Variants in CDH12 observed in about 807,000 individuals in gnomAD.
CDH12 encodes cadherin-12.
A neutral mutation model predicts 74.1 loss-of-function variants in CDH12; 41 were observed. The observed-to-expected ratio is 0.55, with a 90% CI of 0.43 to 0.72. CDH12 has a LOEUF of 0.72. CDH12 is among the 30% of genes least tolerant of loss of function. CDH12 has a pLI of 0.00. For synonymous variants in CDH12, 399 were observed against 355.0 expected (o/e 1.12, Z -1.39); for missense variants, 945 against 977.2 (o/e 0.97, Z 0.44).
At chr5:22,062,878 C>T (rs1741288133) in intron 5 of CDH12, among the ~76,000 whole-genome samples, 3 of 151,982 alleles carry the variant, frequency 2.0e-5, no homozygotes, top group Admixed American at 1.3e-4. Flanking sequence ...CACAAATGAA[C>T]AGGAATCACT....
At chr5:21,891,441 A>G (rs1399019982) in intron 6 of CDH12, among the ~76,000 whole-genome samples, 1 of 152,100 alleles carries the variant, frequency 6.6e-6, no homozygotes, top group African/African-American at 2.4e-5. Flanking sequence ...CATTACAGAG[A>G]TGACAAAAAC....
chr5:21,993,943 G>A (rs1250732210), intron 5 of CDH12, among the ~76,000 whole-genome samples: 1 of 151,510 alleles, frequency 6.6e-6, no homozygotes, highest in Non-Finnish European at 1.5e-5. Context: ...TTTATTTCTC[G>A]GTTATGTGCT....
intron 1 of CDH12, among the ~76,000 whole-genome samples, chr5:22,754,934 C>T (rs549668563): frequency 9.9e-5 from 15 of 152,162 alleles, no homozygotes; most frequent in Admixed American, 4.6e-4. Flanking sequence ...TGGGACTCCT[C>T]TCTGCAGTGT....
chr5:21,889,546 G>C lies in CDH12; in HGVS notation c.527-34756C>G. 5 of 973,858 alleles carry C rather than the reference G, an allele frequency of 5.1e-6. No individual in the cohort carries two copies. In the South Asian group the frequency reaches 2.4e-4, roughly 46 times the overall value. The allele number at this position is 973,858 out of a possible 1,614,324, so 60.3% of individuals were successfully genotyped here. On this transcript the variant is annotated intron_variant, in intron 6 of 14. Coordinates refer to ENST00000382254, the MANE Select transcript of CDH12 (RefSeq NM_004061.5). Reference sequence around the variant, plus strand: ...AATGTTCTGAAGCTAGACTCCTGAAGCTGTTTTTACAGAAGCAAAGTGAAA... The same window carrying C: ...AATGTTCTGAAGCTAGACTCCTGAACCTGTTTTTACAGAAGCAAAGTGAAA...
chr5:22,836,087 G>A (rs974428208), intron 1 of CDH12, among the ~76,000 whole-genome samples: 7 of 152,006 alleles, frequency 4.6e-5, no homozygotes, highest in Non-Finnish European at 1.0e-4. Flanking sequence ...CATGAAGGGT[G>A]ATCTGTGGAA....
chr5:22,779,019 T>C (rs1747252681), intron 1 of CDH12, among the ~76,000 whole-genome samples: 1 of 152,052 alleles, frequency 6.6e-6, no homozygotes, highest in Non-Finnish European at 1.5e-5. Context: ...ATATAGAAAA[T>C]GTATGTTTTG....
intron 1 of CDH12, among the ~76,000 whole-genome samples, chr5:22,809,621 C>T (rs1749028247): frequency 6.6e-6 from 1 of 151,562 alleles, no homozygotes; most frequent in African/African-American, 2.4e-5. Flanking sequence ...ATTTAGCAGA[C>T]CAAATTTTAG....
intron 1 of CDH12, among the ~76,000 whole-genome samples, chr5:22,592,850 T>G (rs1378503897): frequency 6.6e-6 from 1 of 151,538 alleles, no homozygotes; most frequent in Non-Finnish European, 1.5e-5. Flanking sequence ...TCCAACATGG[T>G]GAAACCCTGT....
At chr5:22,589,285 C>T (rs1382737687) in intron 1 of CDH12, among the ~76,000 whole-genome samples, 4 of 152,162 alleles carry the variant, frequency 2.6e-5, no homozygotes, top group Non-Finnish European at 4.4e-5. Context: ...AGGAACAAAA[C>T]TGGACCCAAC....
chr5:22,502,984 T>C (rs1271725054), intron 2 of CDH12, among the ~76,000 whole-genome samples: 1 of 152,184 alleles, frequency 6.6e-6, no homozygotes, highest in East Asian at 1.9e-4. Flanking sequence ...TTTCTCTTTA[T>C]AGTCTAGTTC....
At chr5:21,817,607 G>T (rs1234963753) in intron 8 of CDH12, among the ~76,000 whole-genome samples, 2 of 151,850 alleles carry the variant, frequency 1.3e-5, no homozygotes, top group Admixed American at 6.6e-5. Flanking sequence ...TAAAACTAAT[G>T]ACTTCAATAA....
chr5:22,408,632 C>T (rs576565444), intron 2 of CDH12, among the ~76,000 whole-genome samples: 6 of 150,394 alleles, frequency 4.0e-5, no homozygotes, highest in Admixed American at 6.7e-5. Context: ...ATATATAGTA[C>T]ACATGCATTA....
intron 1 of CDH12, among the ~76,000 whole-genome samples, chr5:22,738,865 A>G (rs1425098210): frequency 6.6e-6 from 1 of 152,056 alleles, no homozygotes. Context: ...TAATACAATA[A>G]TAGCATCACC....
chr5:22,367,148 T>C (rs1741071309), intron 3 of CDH12, among the ~76,000 whole-genome samples: 1 of 152,216 alleles, frequency 6.6e-6, no homozygotes, highest in Non-Finnish European at 1.5e-5. Context: ...TTTTAATCTT[T>C]AGACAGTTGA....
At chr5:21,773,114 A>G (rs1326304199) in intron 11 of CDH12, among the ~76,000 whole-genome samples, 2 of 152,096 alleles carry the variant, frequency 1.3e-5, no homozygotes, top group Non-Finnish European at 2.9e-5. Flanking sequence ...GATGTTAATG[A>G]TTATTATTTC....
At chr5:22,145,678 T>C (rs1204044567) in intron 4 of CDH12, among the ~76,000 whole-genome samples, 2 of 152,116 alleles carry the variant, frequency 1.3e-5, no homozygotes, top group African/African-American at 4.8e-5. Flanking sequence ...CAAGAGAACA[T>C]TCAGTTAAGT....
At chr5:22,046,337 C>T (rs1739948987) in intron 5 of CDH12, among the ~76,000 whole-genome samples, 1 of 151,960 alleles carries the variant, frequency 6.6e-6, no homozygotes, top group South Asian at 2.1e-4. Context: ...TAGAAAGAGG[C>T]CTGAATTTTA....
At chr5:22,660,991 G>T (rs1272035795) in intron 1 of CDH12, among the ~76,000 whole-genome samples, 3 of 152,144 alleles carry the variant, frequency 2.0e-5, no homozygotes, top group Non-Finnish European at 4.4e-5. Flanking sequence ...TTAAGGACTT[G>T]AGGAATCTGA....
intron 5 of CDH12, among the ~76,000 whole-genome samples, chr5:22,072,530 T>TTG (rs36214247): frequency 0.04 from 5,901 of 146,294 alleles, 145 homozygotes; most frequent in East Asian, 0.12. Flanking sequence ...TATAGCACTT[T>TTG]TGTGTGTGTG....
Sources: gnomAD v4.1 joint callset for allele counts (sites outside exome capture counted in the v4.1 genomes callset) on GRCh38, gnomAD v4.1.1 for gene constraint, MANE v1.5 for transcripts, NCBI Gene and HGNC (gene_info 2026-07-23, HGNC 2026-07-21) for gene names.